MACROD2: variants seen among roughly 807,000 people sequenced by gnomAD.
The protein encoded by MACROD2 is mono-ADP ribosylhydrolase 2.
In MACROD2, 36 loss-of-function variants were observed where a neutral mutation model predicts 70.4. The observed-to-expected ratio is 0.51, with a 90% CI of 0.39 to 0.68. MACROD2 has a LOEUF of 0.68. Ranked by LOEUF, MACROD2 falls within the 30% of genes least tolerant of loss-of-function variation. The pLI is 0.00. For missense variants in MACROD2, 496 were observed against 538.4 expected (o/e 0.92, Z 0.78); for synonymous variants, 172 against 178.8 (o/e 0.96, Z 0.30).
At chr20:15,581,172 G>C (rs780294824) in intron 8 of MACROD2, among the ~76,000 whole-genome samples, 2 of 152,130 alleles carry the variant, frequency 1.3e-5, no homozygotes, top group African/African-American at 4.8e-5. Context: ...AGACCTTGAG[G>C]CTTCTTTTTC....
intron 3 of MACROD2, among the ~76,000 whole-genome samples, chr20:14,337,823 G>A (rs1215521467): frequency 6.6e-6 from 1 of 152,144 alleles, no homozygotes; most frequent in Non-Finnish European, 1.5e-5. Context: ...TGGTTTGTAG[G>A]CAGCCCTTTG....
At chr20:14,994,245 A>G (rs2074930720) in intron 5 of MACROD2, among the ~76,000 whole-genome samples, 1 of 152,128 alleles carries the variant, frequency 6.6e-6, no homozygotes, top group African/African-American at 2.4e-5. Context: ...ACTTCATTGA[A>G]TAAAAAAAAA....
At chr20:15,704,069 C>T (rs2050497923) in intron 8 of MACROD2, among the ~76,000 whole-genome samples, 1 of 152,120 alleles carries the variant, frequency 6.6e-6, no homozygotes, top group Admixed American at 6.5e-5. Flanking sequence ...GGAGCCACAC[C>T]ATCCTAACCC....
chr20:14,737,222 T>C (rs977027622), intron 5 of MACROD2, among the ~76,000 whole-genome samples: 1 of 152,122 alleles, frequency 6.6e-6, no homozygotes, highest in African/African-American at 2.4e-5. Flanking sequence ...TCTGTTTCTC[T>C]GTTTGTTTGC....
chr20:15,319,161 A>G (rs1053712855), intron 6 of MACROD2, among the ~76,000 whole-genome samples: 5 of 152,200 alleles, frequency 3.3e-5, no homozygotes, highest in Non-Finnish European at 7.3e-5. Flanking sequence ...GCTTCTATAT[A>G]CCAGTAATTA....
intron 5 of MACROD2, among the ~76,000 whole-genome samples, chr20:14,874,500 T>A (rs75493217): frequency 6.6e-6 from 1 of 151,320 alleles, no homozygotes; most frequent in Admixed American, 6.6e-5. Flanking sequence ...TAGGTCATCA[T>A]TGAACATTTT....
chr20:14,577,399 ATTATT>A (rs1471775199), intron 4 of MACROD2, among the ~76,000 whole-genome samples: 20 of 152,316 alleles, frequency 1.3e-4, no homozygotes, highest in African/African-American at 4.6e-4. Context: ...CAAAACCATA[ATTATT>A]TTAAGACCTA....
intron 5 of MACROD2, among the ~76,000 whole-genome samples, chr20:15,102,166 T>C (rs2075877799): frequency 6.6e-6 from 1 of 151,858 alleles, no homozygotes; most frequent in African/African-American, 2.4e-5. Context: ...AATTGATAAA[T>C]ACAGACAGGC....
chr20:15,995,664 T>TTTTTTTTTTTTTTTTTTTTTTTTC (rs2066620362), intron 15 of MACROD2, among the ~76,000 whole-genome samples: 1 of 142,052 alleles, frequency 7.0e-6, no homozygotes, highest in Non-Finnish European at 1.5e-5. Context: ...TTTTTTTTTT[T>TTTTTTTTTTTTTTTTTTTTTTTTC]TTTTTAACTT....
At chr20:14,754,903 T>G (rs961402564) in intron 5 of MACROD2, among the ~76,000 whole-genome samples, 33 of 151,964 alleles carry the variant, frequency 2.2e-4, no homozygotes, top group Non-Finnish European at 1.5e-4. Context: ...TTTCTATTTT[T>G]TTGTTGTTGC....
chr20:15,087,263 CAAAA>C lies in MACROD2; in HGVS notation c.419-142674_419-142671del, dbSNP rs370652471. 3.1e-3 allele frequency among the ~76,000 whole-genome samples: 472 copies of C among 151,780 alleles called. 3 individuals are homozygous for C. The highest frequency in any genetic ancestry group is 6.8e-3 in the Middle Eastern group (2 of 294). Reference sequence around the variant, plus strand: ...ATTCAAATAACTAAGGAAATATTGACAAAAAAGAATGACTAAGGAGAGGGAAAAA... The same window carrying C: ...ATTCAAATAACTAAGGAAATATTGACAAGAATGACTAAGGAGAGGGAAAAA... On this transcript the variant is annotated intron_variant, in intron 5 of 17. Coordinates refer to ENST00000684519, the MANE Select transcript of MACROD2 (RefSeq NM_001351661.2).
chr20:14,709,404 C>G (rs1388591248), intron 5 of MACROD2, among the ~76,000 whole-genome samples: 1 of 152,152 alleles, frequency 6.6e-6, no homozygotes, highest in Non-Finnish European at 1.5e-5. Context: ...AACACACACT[C>G]TCACACACTC....
At chr20:14,275,459 A>C (rs1251385188) in intron 3 of MACROD2, among the ~76,000 whole-genome samples, 1 of 151,814 alleles carries the variant, frequency 6.6e-6, no homozygotes, top group Admixed American at 6.6e-5. Context: ...TCCCTTCCTT[A>C]CACCTTATAC....
intron 15 of MACROD2, 83 bp from the exon 16 acceptor site, chr20:16,041,118 C>A: frequency 2.6e-6 from 3 of 1,140,248 alleles, no homozygotes; most frequent in Admixed American, 2.3e-5. Context: ...TTTAAAAGGG[C>A]AATGGAGGGT....
At chr20:14,967,099 T>C (rs2074644591) in intron 5 of MACROD2, among the ~76,000 whole-genome samples, 1 of 152,256 alleles carries the variant, frequency 6.6e-6, no homozygotes, top group Non-Finnish European at 1.5e-5. Context: ...TACTTTTTCA[T>C]GTTCTTATCA....
At chr20:14,373,452 A>C (rs1402511494) in intron 3 of MACROD2, among the ~76,000 whole-genome samples, 1 of 152,092 alleles carries the variant, frequency 6.6e-6, no homozygotes. Context: ...TGTGTTTTAA[A>C]ATTGAATTGG....
At chr20:14,833,426 C>A (rs140369631) in intron 5 of MACROD2, among the ~76,000 whole-genome samples, 1 of 152,044 alleles carries the variant, frequency 6.6e-6, no homozygotes, top group Non-Finnish European at 1.5e-5. Context: ...AGAGGACACA[C>A]AGGAGGCACA....
chr20:14,360,896 A>G (rs1443792020), intron 3 of MACROD2, among the ~76,000 whole-genome samples: 1 of 152,194 alleles, frequency 6.6e-6, no homozygotes, highest in East Asian at 1.9e-4. Context: ...CTTAATTTCT[A>G]GCAGAAGTCT....
chr20:14,593,579 A>T (rs1981923228), intron 4 of MACROD2, among the ~76,000 whole-genome samples: 1 of 152,208 alleles, frequency 6.6e-6, no homozygotes. Flanking sequence ...TTTGGCTGAC[A>T]GACAAAAGAA....
Sources: gnomAD v4.1 joint callset for allele counts (sites outside exome capture counted in the v4.1 genomes callset) on GRCh38, gnomAD v4.1.1 for gene constraint, MANE v1.5 for transcripts, NCBI Gene and HGNC (gene_info 2026-07-23, HGNC 2026-07-21) for gene names.